FGF14: variants seen among roughly 807,000 people sequenced by gnomAD.
FGF14 encodes the protein fibroblast growth factor 14.
A neutral mutation model predicts 25.5 loss-of-function variants in FGF14; 5 were observed. The observed-to-expected ratio is 0.20, with a 90% CI of 0.10 to 0.41. FGF14 has a LOEUF of 0.41. Among genes scored for constraint, FGF14 ranks in the 10% least tolerant of loss-of-function variants. The pLI is 1.00. For synonymous variants in FGF14, 138 were observed against 118.3 expected (o/e 1.17, Z -1.08); for missense variants, 222 against 320.1 (o/e 0.69, Z 2.34).
chr13:102,368,896 G>C (rs1209546731), intron 1 of FGF14, among the ~76,000 whole-genome samples: 4 of 152,128 alleles, frequency 2.6e-5, no homozygotes, highest in African/African-American at 9.7e-5. Flanking sequence ...AAGTATAATG[G>C]ATCCTTTGGA....
intron 1 of FGF14, among the ~76,000 whole-genome samples, chr13:102,380,310 T>A (rs1165761447): frequency 6.6e-6 from 1 of 152,090 alleles, no homozygotes; most frequent in African/African-American, 2.4e-5. Flanking sequence ...AGTTTAAAGT[T>A]CAGCACGAGT....
At chr13:102,363,820 T>C (rs777618128) in intron 1 of FGF14, among the ~76,000 whole-genome samples, 16 of 152,234 alleles carry the variant, frequency 1.1e-4, no homozygotes, top group Non-Finnish European at 2.1e-4. Context: ...CAAGATTCTT[T>C]ACCTTCATGT....
chr13:102,161,605 A>C (rs1435668953), intron 1 of FGF14, among the ~76,000 whole-genome samples: 2 of 5,256 alleles, frequency 3.8e-4, no homozygotes, highest in African/African-American at 2.0e-3. Context: ...GAAGAAGAAG[A>C]AGAAGAAGAA....
intron 1 of FGF14, among the ~76,000 whole-genome samples, chr13:102,013,191 T>C (rs1566570820): frequency 6.6e-6 from 1 of 151,228 alleles, no homozygotes; most frequent in Non-Finnish European, 1.5e-5. Flanking sequence ...ACACCAGAGA[T>C]AAAAAGAAGT....
intron 1 of FGF14, among the ~76,000 whole-genome samples, chr13:102,238,558 AAC>A (rs1355685816): frequency 1.3e-5 from 2 of 152,220 alleles, no homozygotes; most frequent in Non-Finnish European, 2.9e-5. Context: ...GTATTTTATG[AAC>A]ACAGTTTATA....
In FGF14 at chr13:102,378,901, A is replaced by G. The variant is rs2058110190; in HGVS notation, c.208+22570T>C. Among the ~76,000 whole-genome samples the G allele has an allele frequency of 1.3e-5, 2 of 152,126 alleles. 1 individual carries two copies. Among genetic ancestry groups the G allele is most frequent in the South Asian group, 4.1e-4 (2 of 4,824 alleles). On this transcript the variant is annotated intron_variant, in intron 1 of 4. Coordinates refer to the FGF14 transcript ENST00000376131. ...CAGAGGCATTTAGTGGCCTTTACAC[A>G]GGGTTACATAAAACTGGCCCATCGA...
intron 1 of FGF14, among the ~76,000 whole-genome samples, chr13:102,042,254 A>G (rs1271326984): frequency 6.6e-6 from 1 of 152,188 alleles, no homozygotes; most frequent in African/African-American, 2.4e-5. Context: ...ATCACTTAGT[A>G]AAACAGGCAC....
chr13:102,056,115 G>A (rs4772439), intron 1 of FGF14, among the ~76,000 whole-genome samples: 50,484 of 152,022 alleles, frequency 0.33, 8,946 homozygotes, highest in East Asian at 0.64. Flanking sequence ...AAATCACATC[G>A]GCTTTATTGA....
intron 3 of FGF14, among the ~76,000 whole-genome samples, chr13:101,770,493 C>A (rs2038703238): frequency 6.6e-6 from 1 of 151,916 alleles, no homozygotes; most frequent in Non-Finnish European, 1.5e-5. Flanking sequence ...AAAAGAATAG[C>A]CTGAAATACT....
chr13:102,145,822 T>C (rs1356968309), intron 1 of FGF14, among the ~76,000 whole-genome samples: 1 of 152,206 alleles, frequency 6.6e-6, no homozygotes, highest in East Asian at 1.9e-4. Context: ...AGAGAGTATT[T>C]AGAGAAGTAT....
intron 1 of FGF14, among the ~76,000 whole-genome samples, chr13:102,272,913 G>A (rs1246166990): frequency 6.6e-6 from 1 of 152,128 alleles, no homozygotes; most frequent in Non-Finnish European, 1.5e-5. Flanking sequence ...GACTTTTAAA[G>A]ATAGCTTCAA....
chr13:102,125,893 A>G (rs2045929501), intron 1 of FGF14, among the ~76,000 whole-genome samples: 2 of 152,078 alleles, frequency 1.3e-5, no homozygotes, highest in South Asian at 2.1e-4. Flanking sequence ...AAGCTCTGTC[A>G]TATCTTAAGA....
intron 1 of FGF14, among the ~76,000 whole-genome samples, chr13:102,357,937 C>T (rs574206459): frequency 6.6e-6 from 1 of 152,258 alleles, no homozygotes; most frequent in South Asian, 2.1e-4. Flanking sequence ...AGCAGTTACA[C>T]ACCAAACAGT....
At chr13:101,901,414 G>T (rs1034624823) in intron 1 of FGF14, among the ~76,000 whole-genome samples, 2 of 152,050 alleles carry the variant, frequency 1.3e-5, no homozygotes, top group African/African-American at 2.4e-5. Context: ...ATCAAAATGG[G>T]GAATTCAGAT....
chr13:102,000,776 C>T (rs2039450774), intron 1 of FGF14, among the ~76,000 whole-genome samples: 1 of 152,210 alleles, frequency 6.6e-6, no homozygotes, highest in Non-Finnish European at 1.5e-5. Flanking sequence ...CTCACTACAC[C>T]TCTGATCTCA....
At chr13:102,174,674 A>G (rs9582559) in intron 1 of FGF14, among the ~76,000 whole-genome samples, 4,874 of 152,262 alleles carry the variant, frequency 0.032, 274 homozygotes, top group African/African-American at 0.11. Context: ...ACACAGGAAC[A>G]GAAAAGCAAA....
At chr13:101,863,445 AAAC>A (rs1186360858) in intron 3 of FGF14, among the ~76,000 whole-genome samples, 2 of 152,172 alleles carry the variant, frequency 1.3e-5, no homozygotes, top group African/African-American at 4.8e-5. Flanking sequence ...GCCTGGTAGC[AAAC>A]AACAACAAAA....
chr13:101,921,745 C>G (rs1317921614), upstream of FGF14, among the ~76,000 whole-genome samples: 1 of 152,178 alleles, frequency 6.6e-6, no homozygotes, highest in Non-Finnish European at 1.5e-5. Flanking sequence ...CTATTCATCT[C>G]CCTTCACTTA....
At chr13:102,373,400 C>T (rs923084397) in intron 1 of FGF14, 1 of 152,142 alleles carries the variant, frequency 6.6e-6, no homozygotes, top group African/African-American at 2.4e-5. Flanking sequence ...AACAAGTCTG[C>T]TCATCCCTTC....
Sources: gnomAD v4.1 joint callset for allele counts (sites outside exome capture counted in the v4.1 genomes callset) on GRCh38, gnomAD v4.1.1 for gene constraint, MANE v1.5 for transcripts, NCBI Gene and HGNC (gene_info 2026-07-23, HGNC 2026-07-21) for gene names.